The following NEK1 variants were observed in gnomAD, a reference collection of about 807,000 sequenced individuals.
The protein encoded by NEK1 is serine/threonine-protein kinase Nek1.
In NEK1, 137 loss-of-function variants were observed where a neutral mutation model predicts 182.1. The observed-to-expected ratio is 0.75, with a 90% CI of 0.65 to 0.87. NEK1 has a LOEUF of 0.87. NEK1 is among the 40% of genes least tolerant of loss of function. NEK1 has a pLI of 0.00. For synonymous variants in NEK1, 513 were observed against 492.2 expected (o/e 1.04, Z -0.56); for missense variants, 1,391 against 1,494.4 (o/e 0.93, Z 1.14).
intron 18 of NEK1, chr4:169,554,036 C>A (rs1761797953): frequency 6.6e-6 from 1 of 152,202 alleles, no homozygotes; most frequent in Non-Finnish European, 1.5e-5. Context: ...AAAACCTACA[C>A]ACAAATGTTT....
chr4:169,466,945 C>T (rs1439442572), intron 26 of NEK1, among the ~76,000 whole-genome samples: 1 of 151,994 alleles, frequency 6.6e-6, no homozygotes, highest in African/African-American at 2.4e-5. Context: ...TGCCAGGGTT[C>T]ACTTATAAAC....
intron 23 of NEK1, among the ~76,000 whole-genome samples, chr4:169,493,413 G>A (rs189951700): frequency 6.6e-6 from 1 of 152,326 alleles, no homozygotes; most frequent in Admixed American, 6.5e-5. Flanking sequence ...CCAAAGGATC[G>A]TTCTAGCTCC....
intron 35 of NEK1, among the ~76,000 whole-genome samples, chr4:169,396,928 C>T (rs1416417548): frequency 6.6e-6 from 1 of 152,070 alleles, no homozygotes; most frequent in African/African-American, 2.4e-5. Flanking sequence ...GCTGTCTGGA[C>T]AACTATCTCT....
At chr4:169,565,953 G>T (rs193012078) in intron 12 of NEK1, among the ~76,000 whole-genome samples, 2 of 152,128 alleles carry the variant, frequency 1.3e-5, no homozygotes, top group Non-Finnish European at 2.9e-5. Flanking sequence ...ATTACGTACA[G>T]TATGTGAATT....
chr4:169,598,602 G>A (rs1561485025), intron 5 of NEK1, among the ~76,000 whole-genome samples: 1 of 152,098 alleles, frequency 6.6e-6, no homozygotes, highest in Non-Finnish European at 1.5e-5. Context: ...ATAAATATCT[G>A]TTAAAGCAAA....
chr4:169,544,745 T>C (rs2149846107), intron 18 of NEK1, among the ~76,000 whole-genome samples: 1 of 152,100 alleles, frequency 6.6e-6, no homozygotes, highest in African/African-American at 2.4e-5. Flanking sequence ...TATCCATTTC[T>C]TCAGATTTTC....
Position 169,507,027 on chromosome 4 carries a change from T to C in NEK1, c.2007+10A>G, listed in dbSNP as rs1372503084. The C allele has an allele frequency of 6.3e-7, 1 of 1,582,584 alleles. No individual in the cohort carries two copies. The highest frequency in any genetic ancestry group is 8.6e-7 in the Non-Finnish European group (1 of 1,156,860). ...TACAACCAGGATTAAGAATATGAGC[T>C]AAATCTTACATGCTCTTCCCACACT... is the stretch of plus-strand genomic sequence containing the variant. On this transcript the variant is annotated intron_variant, in intron 23 of 35. Coordinates refer to ENST00000507142, the MANE Select transcript of NEK1 (RefSeq NM_001199397.3).
At chr4:169,444,936 A>G (rs1177448418) in intron 27 of NEK1, among the ~76,000 whole-genome samples, 3 of 152,198 alleles carry the variant, frequency 2.0e-5, no homozygotes, top group African/African-American at 7.2e-5. Context: ...CTAGAAATCA[A>G]TCACGAGAGG....
chr4:169,401,848 T>C lies in NEK1; in HGVS notation c.3387A>G (p.Glu1129=). 6.2e-7 allele frequency: 1 copy of C among 1,610,212 alleles called. No individual in the cohort carries two copies. The part of the protein sequence containing the change: ...PSDSEDIVFE[E]TDTDLQELQA... The stretch of plus-strand genomic sequence containing the variant: ...GCAGCTCTTGTAAATCTGTGTCAGT[T>C]TCTTCAAACACACTGAAATTTAAAA... The change falls in exon 33 of 36, where the codon GAA becomes GAG. Residue 1129 remains glutamate (E), a synonymous_variant. Coordinates refer to ENST00000507142, the MANE Select transcript of NEK1 (RefSeq NM_001199397.3).
At chr4:169,397,216 C>CTTTTTTT (rs1178324449) in intron 35 of NEK1, among the ~76,000 whole-genome samples, 6 of 144,932 alleles carry the variant, frequency 4.1e-5, no homozygotes, top group Non-Finnish European at 9.2e-5. Context: ...AGAGCAAGGC[C>CTTTTTTT]CTGTCTCCAT....
chr4:169,492,014 A>G (rs921305762), intron 23 of NEK1, among the ~76,000 whole-genome samples: 1 of 152,346 alleles, frequency 6.6e-6, no homozygotes, highest in East Asian at 1.9e-4. Flanking sequence ...CACAAATGAG[A>G]ACGAGAAAGG....
At chr4:169,533,504 A>G (rs929597165) in intron 19 of NEK1, among the ~76,000 whole-genome samples, 1 of 152,242 alleles carries the variant, frequency 6.6e-6, no homozygotes. Flanking sequence ...CATAGTCAAC[A>G]GCACACTAAG....
chr4:169,542,376 C>T (rs1037006775), intron 18 of NEK1, among the ~76,000 whole-genome samples: 5 of 152,138 alleles, frequency 3.3e-5, no homozygotes, highest in African/African-American at 7.2e-5. Context: ...TGTATATGTG[C>T]CACACTTTCT....
At chr4:169,493,584 T>C (rs1327810029) in intron 23 of NEK1, among the ~76,000 whole-genome samples, 1 of 152,088 alleles carries the variant, frequency 6.6e-6, no homozygotes, top group Non-Finnish European at 1.5e-5. Context: ...ATAATGATAT[T>C]AACAAAGAAC....
chr4:169,469,020 T>C (rs921188323), intron 26 of NEK1, among the ~76,000 whole-genome samples: 2 of 152,214 alleles, frequency 1.3e-5, no homozygotes, highest in Non-Finnish European at 1.5e-5. Context: ...TCTTTATTAG[T>C]CTGGCTAGCC....
chr4:169,546,685 A>G (rs2149859023), intron 18 of NEK1, among the ~76,000 whole-genome samples: 1 of 152,230 alleles, frequency 6.6e-6, no homozygotes, highest in Middle Eastern at 3.4e-3. Flanking sequence ...TATATTTAGG[A>G]TAGTTAGCTC....
intron 19 of NEK1, among the ~76,000 whole-genome samples, chr4:169,528,251 C>T (rs1004109940): frequency 6.6e-6 from 1 of 152,072 alleles, no homozygotes; most frequent in Non-Finnish European, 1.5e-5. Flanking sequence ...CCATTCTGCC[C>T]TTGCTAGCAT....
intron 16 of NEK1, among the ~76,000 whole-genome samples, chr4:169,557,262 G>A (rs1337173580): frequency 6.6e-6 from 1 of 151,868 alleles, no homozygotes; most frequent in Non-Finnish European, 1.5e-5. Context: ...CTGCAGGAAT[G>A]ACAAAGGATA....
intron 31 of NEK1, among the ~76,000 whole-genome samples, chr4:169,423,231 T>C (rs997424546): frequency 5.9e-5 from 9 of 152,104 alleles, no homozygotes; most frequent in African/African-American, 1.9e-4. Flanking sequence ...GCCTCCCAAA[T>C]AGCTGGGATT....
Sources: allele counts gnomAD v4.1 joint callset (sites outside exome capture counted in the v4.1 genomes callset), GRCh38; gene constraint gnomAD v4.1.1; transcripts MANE v1.5; gene names NCBI Gene and HGNC (gene_info 2026-07-23, HGNC 2026-07-21).